Variants in PCDH9 observed in about 807,000 individuals in gnomAD.
PCDH9 encodes the protein protocadherin 9.
A neutral mutation model predicts 70.6 loss-of-function variants in PCDH9; 24 were observed. That is an observed-to-expected ratio of 0.34 (90% confidence interval 0.25 to 0.48). The LOEUF (loss-of-function observed/expected upper bound fraction) is 0.48, where lower values mean the gene tolerates loss of function less well. PCDH9 is among the 20% of genes least tolerant of loss of function. The probability of loss-of-function intolerance (pLI) is 0.99; values close to 1 mark genes in which losing one functional copy is unlikely to be tolerated. For missense variants in PCDH9, 1,281 were observed against 1,503.6 expected (o/e 0.85, Z 2.45); for synonymous variants, 562 against 558.5 (o/e 1.01, Z -0.09).
chr13:66,341,104 A>T (rs577246041), intron 4 of PCDH9, among the ~76,000 whole-genome samples: 1 of 151,976 alleles, frequency 6.6e-6, no homozygotes, highest in Non-Finnish European at 1.5e-5. Flanking sequence ...GACTTGCTTT[A>T]TTTTATTTAT....
intron 2 of PCDH9, among the ~76,000 whole-genome samples, chr13:67,125,544 A>C (rs2086960576): frequency 6.6e-6 from 1 of 152,202 alleles, no homozygotes. Flanking sequence ...GTGTACATGC[A>C]AAAGGAGAGG....
At chr13:67,118,065 T>G (rs1594535916) in intron 2 of PCDH9, among the ~76,000 whole-genome samples, 1 of 152,188 alleles carries the variant, frequency 6.6e-6, no homozygotes, top group African/African-American at 2.4e-5. Flanking sequence ...CAATCTAACT[T>G]GCAGTTATGA....
intron 2 of PCDH9, among the ~76,000 whole-genome samples, chr13:67,141,441 T>TATC (rs2087385713): frequency 6.6e-6 from 1 of 151,838 alleles, no homozygotes; most frequent in African/African-American, 2.4e-5. Context: ...CTCTTTATTT[T>TATC]ATTATTATTA....
At chr13:66,990,579 T>C (rs1364767820) in intron 2 of PCDH9, among the ~76,000 whole-genome samples, 1 of 149,496 alleles carries the variant, frequency 6.7e-6, no homozygotes, top group East Asian at 1.9e-4. Context: ...TAAAAACATA[T>C]ATACACATAT....
chr13:67,054,609 T>C (rs2085382736), intron 2 of PCDH9, among the ~76,000 whole-genome samples: 1 of 152,202 alleles, frequency 6.6e-6, no homozygotes, highest in Admixed American at 6.5e-5. Context: ...GACAATTATG[T>C]TAACATTCAA....
chr13:67,225,399 G>C lies in PCDH9; in HGVS notation c.3036+6C>G, dbSNP rs201178169. 2 of 1,613,090 alleles carry C rather than the reference G, an allele frequency of 1.2e-6. No homozygotes were observed. The highest frequency in any genetic ancestry group is 4.5e-5 in the East Asian group (2 of 44,880). ...TACTTATAGACCAGTAAAAGTGCTCGTTTACCTGTCTGGTGTGTAAGGGGC... is the reference window on the plus strand; with the variant it reads ...TACTTATAGACCAGTAAAAGTGCTCCTTTACCTGTCTGGTGTGTAAGGGGC... On this transcript the variant is annotated splice_donor_region_variant and intron_variant, in intron 2 of 4. Coordinates refer to ENST00000377865, the MANE Select transcript of PCDH9 (RefSeq NM_203487.3).
At chr13:67,157,932 T>TG (rs1336019086) in intron 2 of PCDH9, among the ~76,000 whole-genome samples, 1 of 152,152 alleles carries the variant, frequency 6.6e-6, no homozygotes, top group Non-Finnish European at 1.5e-5. Context: ...CACTGCAACC[T>TG]GGGGGTTGAC....
chr13:67,117,605 G>T (rs889192422), intron 2 of PCDH9, among the ~76,000 whole-genome samples: 1 of 152,026 alleles, frequency 6.6e-6, no homozygotes, highest in Non-Finnish European at 1.5e-5. Context: ...TATACCAAAG[G>T]CTATTTATAA....
chr13:66,529,499 G>A (rs572758578), intron 4 of PCDH9, among the ~76,000 whole-genome samples: 2 of 152,092 alleles, frequency 1.3e-5, no homozygotes, highest in African/African-American at 4.8e-5. Context: ...TTTGTGTATC[G>A]GTAGAGTCAT....
chr13:66,739,680 G>A (rs2079222999), intron 3 of PCDH9, among the ~76,000 whole-genome samples: 1 of 151,918 alleles, frequency 6.6e-6, no homozygotes, highest in African/African-American at 2.4e-5. Context: ...AAAAAGGCAG[G>A]GTTTGCAATC....
chr13:67,159,428 G>A (rs1476409837), intron 2 of PCDH9, among the ~76,000 whole-genome samples: 10 of 152,112 alleles, frequency 6.6e-5, no homozygotes, highest in African/African-American at 2.4e-4. Flanking sequence ...GTCACATCTG[G>A]CATACTACTG....
At chr13:66,975,158 T>G (rs1232866664) in intron 2 of PCDH9, among the ~76,000 whole-genome samples, 1 of 152,038 alleles carries the variant, frequency 6.6e-6, no homozygotes, top group Non-Finnish European at 1.5e-5. Context: ...GTGGAATTTA[T>G]AGTGAACAGA....
chr13:66,630,007 A>T (rs2077548828), intron 4 of PCDH9, among the ~76,000 whole-genome samples: 1 of 152,190 alleles, frequency 6.6e-6, no homozygotes, highest in South Asian at 2.1e-4. Flanking sequence ...TCCACCATAG[A>T]AATGCCAGAG....
chr13:67,019,367 T>G (rs902590603), intron 2 of PCDH9, among the ~76,000 whole-genome samples: 10 of 151,630 alleles, frequency 6.6e-5, no homozygotes, highest in Non-Finnish European at 1.3e-4. Context: ...CTGATTTTTT[T>G]TGTGTATTTA....
chr13:66,814,025 T>C (rs2080558466), intron 3 of PCDH9, among the ~76,000 whole-genome samples: 1 of 152,206 alleles, frequency 6.6e-6, no homozygotes, highest in Non-Finnish European at 1.5e-5. Context: ...TGTGTAAATG[T>C]AGCACTGAAG....
At chr13:66,920,018 T>A (rs1394270522) in intron 2 of PCDH9, among the ~76,000 whole-genome samples, 18 of 151,082 alleles carry the variant, frequency 1.2e-4, no homozygotes, top group African/African-American at 4.1e-4. Flanking sequence ...AGTTTACCCC[T>A]ACAATAACCT....
At chr13:67,205,603 A>G (rs2089320018) in intron 2 of PCDH9, 1 of 152,208 alleles carries the variant, frequency 6.6e-6, no homozygotes, top group African/African-American at 2.4e-5. Context: ...TGTGTGTTCT[A>G]AATAAGAACT....
chr13:66,803,953 T>C (rs558478410), intron 3 of PCDH9, among the ~76,000 whole-genome samples: 1 of 152,298 alleles, frequency 6.6e-6, no homozygotes, highest in Non-Finnish European at 1.5e-5. Context: ...CAGTTGTCTC[T>C]GGCTCACTGG....
At chr13:67,175,956 A>C (rs1054139330) in intron 2 of PCDH9, among the ~76,000 whole-genome samples, 1 of 152,080 alleles carries the variant, frequency 6.6e-6, no homozygotes, top group East Asian at 1.9e-4. Flanking sequence ...TAAAAAAAAA[A>C]AACTGGTCTG....
Sources: allele counts gnomAD v4.1 joint callset (sites outside exome capture counted in the v4.1 genomes callset), GRCh38; gene constraint gnomAD v4.1.1; transcripts MANE v1.5; gene names NCBI Gene and HGNC (gene_info 2026-07-23, HGNC 2026-07-21).